GALNT13: variants seen among roughly 807,000 people sequenced by gnomAD.
GALNT13 encodes UDP-GalNAc:polypeptide N-acetylgalactosaminyltransferase 13.
Under a neutral mutation model 64.2 loss-of-function variants are expected in GALNT13, and 28 were observed. That is an observed-to-expected ratio of 0.44 (90% CI 0.32 to 0.60). GALNT13 has a LOEUF of 0.60. GALNT13 is among the 20% of genes least tolerant of loss of function. GALNT13 has a pLI of 0.05. For synonymous variants in GALNT13, 214 were observed against 224.6 expected (o/e 0.95, Z 0.42); for missense variants, 577 against 669.8 (o/e 0.86, Z 1.53).
At chr2:153,551,106 T>C in the GALNT13 span, among the ~76,000 whole-genome samples, 2 of 152,176 alleles carry the variant, frequency 1.3e-5, no homozygotes, top group African/African-American at 4.8e-5. Flanking sequence ...ATATTGCCCT[T>C]TAAAGCTGTC....
the GALNT13 span, among the ~76,000 whole-genome samples, chr2:153,436,995 G>A: frequency 6.6e-6 from 1 of 151,972 alleles, no homozygotes; most frequent in Admixed American, 6.6e-5. Flanking sequence ...ATACTGCTTT[G>A]AATGTGTCCC....
intron 9 of GALNT13, among the ~76,000 whole-genome samples, chr2:154,374,277 G>C (rs561386197): frequency 6.6e-6 from 1 of 152,312 alleles, no homozygotes; most frequent in South Asian, 2.1e-4. Context: ...CTTTGTTGAA[G>C]AAGGAATACT....
chr2:153,381,448 T>C, the GALNT13 span, among the ~76,000 whole-genome samples: 1 of 151,986 alleles, frequency 6.6e-6, no homozygotes, highest in Non-Finnish European at 1.5e-5. Flanking sequence ...TTTTAAACGA[T>C]GTCATTAACC....
At chr2:153,692,329 A>G in the GALNT13 span, among the ~76,000 whole-genome samples, 1 of 152,176 alleles carries the variant, frequency 6.6e-6, no homozygotes, top group African/African-American at 2.4e-5. Context: ...CAAGCCATAC[A>G]CTTAAGAGCA....
At chr2:154,224,400 AC>A (rs1263866334) in intron 4 of GALNT13, among the ~76,000 whole-genome samples, 2 of 152,032 alleles carry the variant, frequency 1.3e-5, no homozygotes, top group East Asian at 3.9e-4. Flanking sequence ...GTGTGCCTAT[AC>A]TCTGATAAGC....
At chr2:154,324,348 A>G (rs1051766193) in intron 9 of GALNT13, among the ~76,000 whole-genome samples, 2 of 152,052 alleles carry the variant, frequency 1.3e-5, no homozygotes, top group Non-Finnish European at 2.9e-5. Context: ...TGCAAAGGGT[A>G]TAATTTTGTT....
the GALNT13 span, among the ~76,000 whole-genome samples, chr2:153,304,814 A>G: frequency 6.6e-6 from 1 of 152,116 alleles, no homozygotes; most frequent in Non-Finnish European, 1.5e-5. Flanking sequence ...AGTTTTCCTC[A>G]TTTCCTCTCA....
intron 3 of GALNT13, among the ~76,000 whole-genome samples, chr2:154,117,933 A>G (rs564714754): frequency 5.9e-5 from 9 of 152,280 alleles, no homozygotes; most frequent in African/African-American, 1.7e-4. Context: ...TTCATAACAT[A>G]TGATTTATTT....
the GALNT13 span, among the ~76,000 whole-genome samples, chr2:153,460,604 G>T: frequency 2.0e-5 from 3 of 152,066 alleles, no homozygotes; most frequent in Non-Finnish European, 4.4e-5. Context: ...TATATACAAA[G>T]ATATTCAGTG....
At chr2:153,418,448 G>A in the GALNT13 span, among the ~76,000 whole-genome samples, 2 of 152,196 alleles carry the variant, frequency 1.3e-5, no homozygotes. Flanking sequence ...GACTGAGAAA[G>A]GAGTAGTTAG....
chr2:154,394,621 TTAACA>T (rs1344691351), intron 9 of GALNT13, among the ~76,000 whole-genome samples: 1 of 152,208 alleles, frequency 6.6e-6, no homozygotes, highest in Non-Finnish European at 1.5e-5. Context: ...GTAATAATAC[TTAACA>T]TAATGAGAAA....
At chr2:153,106,159 T>G in the GALNT13 span, among the ~76,000 whole-genome samples, 1 of 152,178 alleles carries the variant, frequency 6.6e-6, no homozygotes, top group Admixed American at 6.6e-5. Flanking sequence ...ACAGTTGAGC[T>G]CTGTGATTCC....
At chr2:154,062,669 G>C (rs1270021155) in intron 3 of GALNT13, among the ~76,000 whole-genome samples, 1 of 152,162 alleles carries the variant, frequency 6.6e-6, no homozygotes, top group Non-Finnish European at 1.5e-5. Flanking sequence ...GGGAAAATCT[G>C]CTCCCATGAT....
chr2:153,321,998 G>A, the GALNT13 span, among the ~76,000 whole-genome samples: 188 of 150,568 alleles, frequency 1.2e-3, 1 homozygote, highest in African/African-American at 4.5e-3. Flanking sequence ...GTGTGTGTGT[G>A]TAAATTTAAG....
chr2:153,488,442 C>T, the GALNT13 span, among the ~76,000 whole-genome samples: 1 of 152,148 alleles, frequency 6.6e-6, no homozygotes, highest in Non-Finnish European at 1.5e-5. Flanking sequence ...TTTTGTGATG[C>T]TTAACAAGCA....
chr2:154,027,778 C>A (rs7573423), intron 3 of GALNT13, among the ~76,000 whole-genome samples: 12,606 of 151,956 alleles, frequency 0.083, 1,511 homozygotes, highest in East Asian at 0.63. Flanking sequence ...GGGAATATAT[C>A]TCCAGGTATT....
At chr2:153,274,406 A>G in the GALNT13 span, among the ~76,000 whole-genome samples, 1 of 152,014 alleles carries the variant, frequency 6.6e-6, no homozygotes, top group African/African-American at 2.4e-5. Flanking sequence ...CTAGTAGCCA[A>G]CTCCATTTTG....
At chr2:153,275,403 T>C in the GALNT13 span, among the ~76,000 whole-genome samples, 1 of 152,180 alleles carries the variant, frequency 6.6e-6, no homozygotes, top group South Asian at 2.1e-4. Context: ...TCCTTGTGAA[T>C]GGGATTAGGT....
Position 154,450,415 on chromosome 2 carries a change from T to TGAAATAAGAA in GALNT13, c.1535_1536insGAAATAAGAA (p.Thr513LysfsTer2). ...ATTATTGGTTATCTTTTACAGAGAC[T>TGAAATAAGAA]CACGTTGCGACATGTTAACAGTAAC... On this transcript the variant is annotated stop_gained and frameshift_variant, in exon 13 of 13. Transcript: ENST00000392825. LOFTEE classifies it high-confidence loss of function. 1 of 1,609,426 alleles carries TGAAATAAGAA rather than the reference T, an allele frequency of 6.2e-7. No individual in the cohort carries two copies. The highest frequency in any genetic ancestry group is 8.5e-7 in the Non-Finnish European group (1 of 1,177,970).
Sources: gnomAD v4.1 joint callset for allele counts (sites outside exome capture counted in the v4.1 genomes callset) on GRCh38, gnomAD v4.1.1 for gene constraint, MANE v1.5 for transcripts, NCBI Gene and HGNC (gene_info 2026-07-23, HGNC 2026-07-21) for gene names.